The following TRPC3 variants were observed in gnomAD, a reference collection of about 807,000 sequenced individuals.
The protein encoded by TRPC3 is transient receptor potential cation channel subfamily C member 3.
Under a neutral mutation model 90.9 loss-of-function variants are expected in TRPC3, and 54 were observed. The ratio of observed to expected loss-of-function variants is 0.59; its 90% CI spans 0.48 to 0.75. The LOEUF is 0.75. Ranked by LOEUF, TRPC3 falls within the 30% of genes least tolerant of loss-of-function variation. The pLI, the probability that TRPC3 is intolerant of heterozygous loss-of-function variation, is 0.00. For synonymous variants in TRPC3, 424 were observed against 450.9 expected (o/e 0.94, Z 0.75); for missense variants, 918 against 1,194.5 (o/e 0.77, Z 3.41).
At chr4:121,885,859 C>T (rs868334780) in intron 10 of TRPC3, among the ~76,000 whole-genome samples, 5 of 152,126 alleles carry the variant, frequency 3.3e-5, no homozygotes, top group East Asian at 1.9e-4. Flanking sequence ...TTCCACATTC[C>T]ACAAACCTCC....
chr4:121,882,688 G>C (rs1727984697), intron 10 of TRPC3, among the ~76,000 whole-genome samples: 1 of 152,070 alleles, frequency 6.6e-6, no homozygotes, highest in Non-Finnish European at 1.5e-5. Flanking sequence ...TAAGCTTGAA[G>C]ATTTGAATTC....
chr4:121,935,696 T>C (rs183867750), intron 1 of TRPC3, among the ~76,000 whole-genome samples: 43 of 152,212 alleles, frequency 2.8e-4, no homozygotes, highest in African/African-American at 9.9e-4. Context: ...AGAGGAAATA[T>C]ATGTGGAGTA....
chr4:121,894,117 A>G (rs927917072), intron 10 of TRPC3, among the ~76,000 whole-genome samples: 1 of 152,176 alleles, frequency 6.6e-6, no homozygotes, highest in Admixed American at 6.5e-5. Flanking sequence ...AAAATGACTT[A>G]CTACAGTGTT....
intron 5 of TRPC3, among the ~76,000 whole-genome samples, chr4:121,910,672 G>T (rs1452053864): frequency 6.6e-6 from 1 of 152,102 alleles, no homozygotes; most frequent in Non-Finnish European, 1.5e-5. Context: ...GTGGTGGAGG[G>T]GGGTGAGGAG....
Position 121,932,264 on chromosome 4 carries a change from A to G in TRPC3, c.987+7T>C. The G allele has an allele frequency of 1.2e-6, 2 of 1,612,152 alleles. No individual in the cohort carries two copies. Reference sequence around the variant, plus strand: ...ACAGAGCAGCCGGGGTAGAGCGCAAAGCTTACCTTGAACTCCTTCTCTATG... The same window carrying G: ...ACAGAGCAGCCGGGGTAGAGCGCAAGGCTTACCTTGAACTCCTTCTCTATG... On this transcript the variant is annotated splice_region_variant and intron_variant, in intron 2 of 11. Coordinates refer to ENST00000379645, the MANE Select transcript of TRPC3 (RefSeq NM_001130698.2). The surrounding 1 kb of genome is among the most constrained non-coding windows in gnomAD (Gnocchi z 7.7).
rs186569149 is a variant in TRPC3, at chr4:121,878,122, A to T, written c.*1614T>A. Among the ~76,000 whole-genome samples, 2 of 152,362 alleles carry T rather than the reference A, an allele frequency of 1.3e-5. No individual in the cohort carries two copies. Among genetic ancestry groups the T allele is most frequent in the East Asian group, 3.9e-4 (2 of 5,192 alleles). ...AATATTTTATTCAGTTCTGAGACAC[A>T]ACATAAAGTACATAAAGTTTGAAAA... On this transcript the variant is annotated 3_prime_UTR_variant, in exon 12 of 12. Coordinates refer to ENST00000379645, the MANE Select transcript of TRPC3 (RefSeq NM_001130698.2).
In TRPC3 at chr4:121,932,223, G is replaced by T. The variant is rs1212641664; in HGVS notation, c.987+48C>A. 2 of 1,587,760 alleles carry T rather than the reference G, an allele frequency of 1.3e-6. No homozygotes were observed. The highest frequency in any genetic ancestry group is 2.2e-5 in the East Asian group (1 of 44,508). ...GCAGAGCAGGCCAGGCAGCAGCGGG[G>T]AAGTTGGGTGAGCACACAGAGCAGC... On this transcript the variant is annotated intron_variant, in intron 2 of 11. Coordinates refer to ENST00000379645, the MANE Select transcript of TRPC3 (RefSeq NM_001130698.2). The surrounding 1 kb of genome is among the most constrained non-coding windows in gnomAD (Gnocchi z 7.7).
At chr4:121,950,384 C>T (rs1000210228) in intron 1 of TRPC3, among the ~76,000 whole-genome samples, 1 of 152,224 alleles carries the variant, frequency 6.6e-6, no homozygotes, top group Non-Finnish European at 1.5e-5. Context: ...GGTCCCCATC[C>T]TGGAGAACCA....
rs1350849382 is a variant in TRPC3 at position 121,879,288 on chromosome 4, G to C, written c.*448C>G. 6.7e-6 allele frequency: 1 copy of C among 150,266 alleles called. No homozygotes were observed. The highest frequency in any genetic ancestry group is 1.5e-5 in the Non-Finnish European group (1 of 68,054). 9.3% of individuals were successfully genotyped at this position (150,266 alleles called of 1,614,324 possible). ...TGGACAAGGGAAGGTATGCTACATA[G>C]TGAAGACTTTTTATTTTTATTTTGT... is the stretch of plus-strand genomic sequence containing the variant. On this transcript the variant is annotated 3_prime_UTR_variant, in exon 12 of 12. Transcript: ENST00000379645.
chr4:121,938,720 C>T (rs947201358), intron 1 of TRPC3, among the ~76,000 whole-genome samples: 52 of 152,176 alleles, frequency 3.4e-4, no homozygotes, highest in African/African-American at 1.2e-3. Flanking sequence ...GGGATTCAAC[C>T]TGGAATCTGT....
intron 10 of TRPC3, 66 bp from the exon 11 acceptor site, chr4:121,882,495 A>G (rs138954323): frequency 0.017 from 24,924 of 1,484,358 alleles, 280 homozygotes; most frequent in Middle Eastern, 0.042. Context: ...CCTATTTTCC[A>G]AAGAGGCTTA....
intron 10 of TRPC3, among the ~76,000 whole-genome samples, chr4:121,898,752 T>C (rs779671901): frequency 6.6e-6 from 1 of 152,190 alleles, no homozygotes; most frequent in South Asian, 2.1e-4. Context: ...TTCCTACATA[T>C]GTATCAAAAC....
At chr4:121,905,043 T>C (rs1028653886) in intron 7 of TRPC3, among the ~76,000 whole-genome samples, 3 of 152,128 alleles carry the variant, frequency 2.0e-5, no homozygotes, top group African/African-American at 7.2e-5. Context: ...GATGATGGAA[T>C]GCTATGCAGT....
At chr4:121,944,957 T>C (rs1730436604) in intron 1 of TRPC3, among the ~76,000 whole-genome samples, 1 of 152,236 alleles carries the variant, frequency 6.6e-6, no homozygotes, top group Non-Finnish European at 1.5e-5. Context: ...GGGGCTGCTG[T>C]GAATTAGATG....
chr4:121,951,763 C>T lies in TRPC3; in HGVS notation c.-83G>A, dbSNP rs910836587. ...GGCAGTGCAGTCTTCCCGCGGCGCCCCTTCACCACCTCCCGCGGCTTCCGG... is the reference window on the plus strand; with the variant it reads ...GGCAGTGCAGTCTTCCCGCGGCGCCTCTTCACCACCTCCCGCGGCTTCCGG... On this transcript the variant is annotated 5_prime_UTR_variant, in exon 1 of 12. Coordinates refer to ENST00000379645, the MANE Select transcript of TRPC3 (RefSeq NM_001130698.2). This position sits in a 1 kb window ranked among gnomAD's most constrained non-coding sequence, Gnocchi z 4.4. The T allele has an allele frequency of 8.7e-7, 1 of 1,146,488 alleles. No homozygotes were observed. Among genetic ancestry groups the T allele is most frequent in the Non-Finnish European group, 1.1e-6 (1 of 888,370 alleles). 71.0% of individuals were successfully genotyped at this position (1,146,488 alleles called of 1,614,324 possible).
At chr4:121,896,974 A>C (rs1728535406) in intron 10 of TRPC3, among the ~76,000 whole-genome samples, 1 of 152,152 alleles carries the variant, frequency 6.6e-6, no homozygotes, top group Admixed American at 6.5e-5. Flanking sequence ...TTAAGAACTC[A>C]GAAATTAATC....
intron 1 of TRPC3, among the ~76,000 whole-genome samples, chr4:121,946,301 C>T (rs573640468): frequency 4.0e-4 from 61 of 151,868 alleles, no homozygotes; most frequent in Non-Finnish European, 6.8e-4. Context: ...CTTCCTGAAG[C>T]GGGGGGAAAA....
At chr4:121,887,293 G>A (rs1728157176) in intron 10 of TRPC3, among the ~76,000 whole-genome samples, 2 of 152,138 alleles carry the variant, frequency 1.3e-5, no homozygotes. Context: ...TACATAGCAT[G>A]TAGCGTTATG....
At chr4:121,923,586 G>A (rs1729602113) in intron 3 of TRPC3, among the ~76,000 whole-genome samples, 2 of 152,200 alleles carry the variant, frequency 1.3e-5, no homozygotes, top group South Asian at 4.1e-4. Context: ...AAATCACCAT[G>A]TACTACTGTG....
Sources: gnomAD v4.1 joint callset for allele counts (sites outside exome capture counted in the v4.1 genomes callset) on GRCh38, gnomAD v4.1.1 for gene constraint, Gnocchi (gnomAD v3.1) non-coding constraint, MANE v1.5 for transcripts, NCBI Gene and HGNC (gene_info 2026-07-23, HGNC 2026-07-21) for gene names.